Variants in PAPPA observed in about 807,000 individuals in gnomAD.
PAPPA encodes pappalysin-1.
In PAPPA, 60 loss-of-function variants were observed where a neutral mutation model predicts 164.0. The observed-to-expected ratio is 0.37, with a 90% CI of 0.30 to 0.45. PAPPA has a LOEUF of 0.45. PAPPA is among the 20% of genes least tolerant of loss of function. The pLI is 1.00. For synonymous variants in PAPPA, 875 were observed against 814.1 expected, an observed-to-expected ratio of 1.07 and a Z score of -1.27; for missense variants, 1,782 against 2,087.3, an observed-to-expected ratio of 0.85 and a Z score of 2.85.
At chr9:116,183,741 G>T (rs1036917893) in intron 1 of PAPPA, among the ~76,000 whole-genome samples, 3 of 152,110 alleles carry the variant, frequency 2.0e-5, no homozygotes, top group African/African-American at 7.2e-5. Flanking sequence ...TGGTTCCATT[G>T]AAAACCTTCT....
intron 21 of PAPPA, among the ~76,000 whole-genome samples, chr9:116,384,203 A>C (rs1846771927): frequency 6.6e-6 from 1 of 151,734 alleles, no homozygotes; most frequent in Admixed American, 6.6e-5. Context: ...AGATGGGTGA[A>C]TCACTTGGGA....
rs542555315 is a variant in PAPPA at position 116,308,184 on chromosome 9, A to G, written c.3147+5234A>G. On this transcript the variant is annotated intron_variant, in intron 10 of 21. Transcript: ENST00000328252. The stretch of plus-strand genomic sequence containing the variant: ...AAGTACTGGTTCTTTTTCTGCCTTC[A>G]TAAAGCTTACCATGTCATCAGAAGG... Among the ~76,000 whole-genome samples the G allele has an allele frequency of 1.2e-4, 19 of 152,346 alleles. No homozygotes were observed. In the South Asian group the frequency reaches 3.9e-3, roughly 32 times the overall value.
intron 1 of PAPPA, among the ~76,000 whole-genome samples, chr9:116,183,042 G>A (rs939437118): frequency 2.6e-5 from 4 of 152,174 alleles, no homozygotes; most frequent in African/African-American, 9.7e-5. Context: ...TGCCACATGG[G>A]ACTATATCCC....
chr9:116,192,247 G>A (rs1360921667), intron 2 of PAPPA, among the ~76,000 whole-genome samples: 3 of 152,164 alleles, frequency 2.0e-5, no homozygotes, highest in Non-Finnish European at 4.4e-5. Context: ...GCATTAGCAA[G>A]CAGAGAATGT....
At chr9:116,391,388 A>G (rs963397400) in intron 21 of PAPPA, among the ~76,000 whole-genome samples, 3 of 152,172 alleles carry the variant, frequency 2.0e-5, no homozygotes, top group African/African-American at 7.2e-5. Flanking sequence ...GGCCCCCCAC[A>G]GCCAGCAGGA....
chr9:116,357,033 C>A (rs1454481741), intron 17 of PAPPA, among the ~76,000 whole-genome samples: 2 of 152,142 alleles, frequency 1.3e-5, no homozygotes, highest in African/African-American at 4.8e-5. Context: ...GTAGAGAGAC[C>A]AGCATGAGCT....
chr9:116,209,885 AC>A (rs1370449563), intron 3 of PAPPA, among the ~76,000 whole-genome samples: 6 of 152,172 alleles, frequency 3.9e-5, no homozygotes, highest in African/African-American at 1.4e-4. Flanking sequence ...GTGAAGCAGA[AC>A]AAGGATTGCA....
chr9:116,227,509 G>T lies in PAPPA; in HGVS notation c.2190G>T (p.Met730Ile). The T allele has an allele frequency of 6.2e-7, 1 of 1,614,136 alleles. No individual in the cohort carries two copies. The highest frequency in any genetic ancestry group is 8.5e-7 in the Non-Finnish European group (1 of 1,180,006). Residue 730 changes from methionine to isoleucine, a missense_variant, in exon 6 of 22, where the codon ATG becomes ATT. Met to Ile is a conservative substitution (Grantham distance 10). This residue lies in a region of PAPPA where 1,324 missense variants were observed against 1,656.9 expected (regional missense o/e 0.80). Coordinates refer to ENST00000328252, the MANE Select transcript of PAPPA (RefSeq NM_002581.5). ...ATGCTTCCAACGCTTCCTCCCCAAT[G>T]CCCTGCAGCCCATCAGGACACTGGA... ...VQYASNASSPMPCSPSGHWSP... is the reference protein window; with the variant it reads ...VQYASNASSPIPCSPSGHWSP...
Position 116,397,467 on chromosome 9 carries a change from T to G in PAPPA, c.*851T>G, listed in dbSNP as rs909408517. On this transcript the variant is annotated 3_prime_UTR_variant, in exon 22 of 22. Coordinates refer to ENST00000328252, the MANE Select transcript of PAPPA (RefSeq NM_002581.5). ...CCACATTTGCTGCTACTTTTCCTGC[T>G]GCTCTATCCTATACATTGAATAATC... 3.9e-5 allele frequency: 6 copies of G among 152,848 alleles called. No individual in the cohort carries two copies. The highest frequency in any genetic ancestry group is 6.5e-5 in the Admixed American group (1 of 15,292). The allele number at this position is 152,848 out of a possible 1,614,324, so 9.5% of individuals were successfully genotyped here. A position where few individuals can be genotyped will look rare whatever the true frequency, so the allele number is the denominator to read the frequency against.
At chr9:116,382,355 C>T (rs1846743388) in intron 20 of PAPPA, 40 bp from the exon 21 acceptor site, 2 of 1,305,882 alleles carry the variant, frequency 1.5e-6, no homozygotes, top group South Asian at 1.2e-5. Context: ...CTCCAGGATG[C>T]TAACAAGGCC....
chr9:116,199,053 G>A (rs185184516), intron 2 of PAPPA, among the ~76,000 whole-genome samples: 6 of 152,216 alleles, frequency 3.9e-5, no homozygotes, highest in South Asian at 4.2e-4. Flanking sequence ...GTTGAAAACC[G>A]CAATTACTTG....
intron 17 of PAPPA, among the ~76,000 whole-genome samples, chr9:116,356,952 A>G (rs577536945): frequency 6.6e-6 from 1 of 152,326 alleles, no homozygotes; most frequent in East Asian, 1.9e-4. Flanking sequence ...CCAGAACTTA[A>G]AGTAAACAAA....
chr9:116,361,618 C>G (rs1392954985), intron 17 of PAPPA, among the ~76,000 whole-genome samples: 1 of 152,210 alleles, frequency 6.6e-6, no homozygotes, highest in Admixed American at 6.5e-5. Flanking sequence ...CTCTAAGAGG[C>G]CTTCCCTGAT....
At chr9:116,380,591 G>A (rs1204511978) in intron 20 of PAPPA, among the ~76,000 whole-genome samples, 1 of 152,094 alleles carries the variant, frequency 6.6e-6, no homozygotes, top group Non-Finnish European at 1.5e-5. Context: ...GAAAAGAAAG[G>A]GTTTATTGTT....
chr9:116,360,476 T>C (rs1360803173), intron 17 of PAPPA, among the ~76,000 whole-genome samples: 21 of 152,176 alleles, frequency 1.4e-4, no homozygotes. Context: ...CTTTCTCTTC[T>C]GAATCTTGTC....
At chr9:116,295,067 G>A (rs1311205786) in intron 9 of PAPPA, among the ~76,000 whole-genome samples, 1 of 152,084 alleles carries the variant, frequency 6.6e-6, no homozygotes, top group East Asian at 1.9e-4. Flanking sequence ...TCATCTACAG[G>A]TAGTTTTGTG....
At chr9:116,300,852 AT>A (rs11362350) in intron 9 of PAPPA, among the ~76,000 whole-genome samples, 106,650 of 150,970 alleles carry the variant, frequency 0.71, 41,922 homozygotes, top group Non-Finnish European at 0.88. Context: ...AAAGAAGAGT[AT>A]TTTTTTTTTC....
At chr9:116,296,760 G>A (rs1026887482) in intron 9 of PAPPA, among the ~76,000 whole-genome samples, 4 of 152,126 alleles carry the variant, frequency 2.6e-5, no homozygotes, top group Non-Finnish European at 5.9e-5. Flanking sequence ...GAAATGAAAC[G>A]GAATTGTTCG....
At chr9:116,183,631 G>T (rs1466098000) in intron 1 of PAPPA, among the ~76,000 whole-genome samples, 1 of 152,102 alleles carries the variant, frequency 6.6e-6, no homozygotes, top group African/African-American at 2.4e-5. Flanking sequence ...ATTGAAGCTC[G>T]GTGATTTTCT....
Sources: allele counts gnomAD v4.1 joint callset (sites outside exome capture counted in the v4.1 genomes callset), GRCh38; gene constraint gnomAD v4.1.1; regional missense constraint gnomAD v4.1.1; transcripts MANE v1.5; gene names NCBI Gene and HGNC (gene_info 2026-07-23, HGNC 2026-07-21).